Variants in ARID4A observed in about 807,000 individuals in gnomAD.
The protein encoded by ARID4A is AT-rich interactive domain-containing protein 4A.
In ARID4A, 39 loss-of-function variants were observed where a neutral mutation model predicts 148.6. The observed-to-expected ratio is 0.26, with a 90% CI of 0.20 to 0.34. The LOEUF (loss-of-function observed/expected upper bound fraction) is 0.34. Among genes scored for constraint, ARID4A ranks in the 10% least tolerant of loss-of-function variants. The pLI is 1.00. For synonymous variants in ARID4A, 475 were observed against 481.2 expected (o/e 0.99, Z 0.17); for missense variants, 1,265 against 1,449.1 (o/e 0.87, Z 2.06).
intron 22 of ARID4A, 32 bp downstream of exon 22, chr14:58,366,262 ATACTG>A: frequency 6.7e-7 from 1 of 1,481,664 alleles, no homozygotes; most frequent in Non-Finnish European, 9.4e-7. Flanking sequence ...TGATAGATGA[ATACTG>A]TAAAGTGGAA....
rs1187850120 is a variant in ARID4A at position 58,328,230 on chromosome 14, A to G, written c.583-7A>G. On this transcript the variant is annotated splice_region_variant and splice_polypyrimidine_tract_variant and intron_variant, in intron 8 of 23. Coordinates refer to ENST00000355431, the MANE Select transcript of ARID4A (RefSeq NM_002892.4). ...AGGAATCAATCTGTTCTTATTTTAT[A>G]TTTCAGGTAATATCTCCCAGCTGTA... 1.3e-6 allele frequency: 2 copies of G among 1,573,686 alleles called. No individual in the cohort carries two copies.
chr14:58,346,174 A>G (rs1052071778), intron 12 of ARID4A, among the ~76,000 whole-genome samples: 1 of 150,304 alleles, frequency 6.7e-6, no homozygotes, highest in Non-Finnish European at 1.5e-5. Flanking sequence ...CCACAAAGCT[A>G]TATAAATAAG....
chr14:58,332,149 CTG>C (rs2033566155), intron 11 of ARID4A, among the ~76,000 whole-genome samples: 1 of 152,034 alleles, frequency 6.6e-6, no homozygotes, highest in South Asian at 2.1e-4. Context: ...TTTATTCAAG[CTG>C]TGAGTATACG....
At chr14:58,302,900 C>T (rs1231680105) in intron 3 of ARID4A, among the ~76,000 whole-genome samples, 1 of 152,080 alleles carries the variant, frequency 6.6e-6, no homozygotes, top group African/African-American at 2.4e-5. Context: ...GTCAAGGCTG[C>T]AGTGAGCTGT....
chr14:58,372,291 T>TA lies in ARID4A; in HGVS notation c.*305dup, dbSNP rs2035646958. ...ACTTAGCAAATTTGAATTTGTATAA[T>TA]AAAGCTTTCAGGTGTTACAGAAATC... On this transcript the variant is annotated 3_prime_UTR_variant, in exon 24 of 24. Coordinates refer to ENST00000355431, the MANE Select transcript of ARID4A (RefSeq NM_002892.4). 1 of 316,328 alleles carries TA rather than the reference T, an allele frequency of 3.2e-6. No homozygotes were observed. The highest frequency in any genetic ancestry group is 5.9e-6 in the Non-Finnish European group (1 of 170,928). 19.6% of individuals were successfully genotyped at this position (316,328 alleles called of 1,614,324 possible). A position where few individuals can be genotyped will look rare whatever the true frequency, so the allele number is the denominator to read the frequency against.
intron 18 of ARID4A, among the ~76,000 whole-genome samples, chr14:58,360,221 G>A (rs58355760): frequency 6.6e-6 from 1 of 152,126 alleles, no homozygotes; most frequent in Non-Finnish European, 1.5e-5. Flanking sequence ...TCCTGTAGAG[G>A]CTTTATAGGA....
chr14:58,321,739 A>G (rs999537935), intron 7 of ARID4A, among the ~76,000 whole-genome samples: 6 of 152,116 alleles, frequency 3.9e-5, no homozygotes, highest in Non-Finnish European at 8.8e-5. Context: ...CGAGGACCCT[A>G]AATGGAAATC....
At position 58,315,550 on chromosome 14, in the gene ARID4A, G is replaced by A. The variant is rs1022863809; in HGVS notation, c.275-2992G>A. ...TAAATGTGTGTGTGTGTCTAGTATC[G>A]TCATCTTTGGTATTGTAGGCATTAA... On this transcript the variant is annotated intron_variant, in intron 5 of 23. Coordinates refer to ENST00000355431, the MANE Select transcript of ARID4A (RefSeq NM_002892.4). Among the ~76,000 whole-genome samples the A allele has an allele frequency of 6.6e-5, 10 of 151,958 alleles. No homozygotes were observed. In the South Asian group the frequency reaches 1.2e-3, roughly 19 times the overall value.
intron 5 of ARID4A, among the ~76,000 whole-genome samples, chr14:58,308,765 G>C (rs187646755): frequency 1.3e-5 from 2 of 151,984 alleles, no homozygotes; most frequent in Admixed American, 1.3e-4. Flanking sequence ...AATTTTTTTT[G>C]ATTTCTAGTT....
rs2034510320 is a variant in ARID4A, at chr14:58,349,073, T to C, written c.1404+1195T>C. Among the ~76,000 whole-genome samples, 3 of 152,206 alleles carry C rather than the reference T, an allele frequency of 2.0e-5. No homozygotes were observed. The South Asian group carries it at 6.2e-4, about 32-fold the overall frequency. On this transcript the variant is annotated intron_variant, in intron 15 of 23. Transcript: ENST00000355431. ...ACTTTCTGTACCTATGAATTTGATA[T>C]TCTAGGTACTTTTATATAAGTGAAA...
In ARID4A at chr14:58,359,305, AG is replaced by A. The variant is rs879005753; in HGVS notation, c.1938+91del. 26 of 1,286,268 alleles carry A rather than the reference AG, an allele frequency of 2.0e-5. No individual in the cohort carries two copies. The South Asian group carries it at 3.7e-4, about 18-fold the overall frequency. The allele number at this position is 1,286,268 out of a possible 1,614,324, so 79.7% of individuals were successfully genotyped here. On this transcript the variant is annotated intron_variant, in intron 18 of 23. Coordinates refer to ENST00000355431, the MANE Select transcript of ARID4A (RefSeq NM_002892.4). Reference sequence around the variant, plus strand: ...TTTTTAAGACTTTAAGAACAGTTTTAGGTTTATACCAAGATTGAGAGCAAGG... The same window carrying A: ...TTTTTAAGACTTTAAGAACAGTTTTAGTTTATACCAAGATTGAGAGCAAGG...
In ARID4A at chr14:58,365,050, T is replaced by C; in HGVS notation, c.2961T>C (p.Ser987=). Residue 987 remains serine, a synonymous_variant, in exon 20 of 24, where the codon TCT becomes TCC. Coordinates refer to ENST00000355431, the MANE Select transcript of ARID4A (RefSeq NM_002892.4). ...CAGTTGAAAGCTCTGAGTCTAACTC[T>C]CTTGTTTCTATTCCACCTGCCCTAC... The part of the protein sequence containing the change: ...DVAVESSESN[S]LVSIPPALPP... 6.2e-7 allele frequency: 1 copy of C among 1,614,174 alleles called. No homozygotes were observed. Among genetic ancestry groups the C allele is most frequent in the Non-Finnish European group, 8.5e-7 (1 of 1,180,016 alleles).
In ARID4A at chr14:58,304,951, T is replaced by G; in HGVS notation, c.125T>G (p.Leu42Arg). Reference sequence around the variant, plus strand: ...GTGCAAAATGTTTTTCAGGTACTCCTGAAACAGGATAATACCACACAATTG... The same window carrying G: ...GTGCAAAATGTTTTTCAGGTACTCCGGAAACAGGATAATACCACACAATTG... Reference protein sequence around the residue: ...VKRLVKVKVLLKQDNTTQLVQ... With the variant: ...VKRLVKVKVLRKQDNTTQLVQ... The change falls in exon 4 of 24, where the codon CTG (leucine) becomes CGG (arginine). Residue 42 changes from leucine to arginine, a missense_variant. This residue lies in a region of ARID4A where 59 missense variants were observed against 49.8 expected (regional missense o/e 1.18). Coordinates refer to ENST00000355431, the MANE Select transcript of ARID4A (RefSeq NM_002892.4). 1 of 1,608,784 alleles carries G rather than the reference T, an allele frequency of 6.2e-7. No homozygotes were observed. Among genetic ancestry groups the G allele is most frequent in the African/African-American group, 1.3e-5 (1 of 74,840 alleles).
intron 23 of ARID4A, among the ~76,000 whole-genome samples, chr14:58,371,305 AAG>A (rs2035602118): frequency 6.6e-6 from 1 of 152,174 alleles, no homozygotes; most frequent in Non-Finnish European, 1.5e-5. Context: ...ATTGCAAGGA[AAG>A]AGAAGATAAA....
intron 11 of ARID4A, among the ~76,000 whole-genome samples, chr14:58,340,514 T>A (rs1286937714): frequency 6.6e-6 from 1 of 152,144 alleles, no homozygotes; most frequent in African/African-American, 2.4e-5. Context: ...CACGCCCAGC[T>A]AATTTTTTGC....
At chr14:58,321,554 G>T (rs956277702) in intron 7 of ARID4A, among the ~76,000 whole-genome samples, 5 of 152,118 alleles carry the variant, frequency 3.3e-5, no homozygotes, top group Non-Finnish European at 2.9e-5. Flanking sequence ...GCCAACCCTG[G>T]AATTGGCCAT....
At chr14:58,333,018 T>A (rs2033618801) in intron 11 of ARID4A, among the ~76,000 whole-genome samples, 1 of 152,120 alleles carries the variant, frequency 6.6e-6, no homozygotes, top group African/African-American at 2.4e-5. Context: ...GATTTGAGAT[T>A]CTGTGACTTT....
At chr14:58,332,173 G>C (rs2033567545) in intron 11 of ARID4A, among the ~76,000 whole-genome samples, 1 of 152,062 alleles carries the variant, frequency 6.6e-6, no homozygotes, top group Non-Finnish European at 1.5e-5. Context: ...TAGTATAAAA[G>C]AATGAAGAGC....
intron 9 of ARID4A, among the ~76,000 whole-genome samples, chr14:58,328,667 A>G (rs561451808): frequency 5.3e-5 from 8 of 152,202 alleles, no homozygotes; most frequent in Admixed American, 3.3e-4. Flanking sequence ...CTCTATTACA[A>G]GAGCAATTAT....
Sources: allele counts gnomAD v4.1 joint callset (sites outside exome capture counted in the v4.1 genomes callset), GRCh38; gene constraint gnomAD v4.1.1; regional missense constraint gnomAD v4.1.1; transcripts MANE v1.5; gene names NCBI Gene and HGNC (gene_info 2026-07-23, HGNC 2026-07-21).